Variants in ROBO1 observed in about 807,000 individuals in gnomAD.
The protein encoded by ROBO1 is roundabout homolog 1.
ROBO1 carries 149 observed loss-of-function variants against 195.9 expected under a neutral mutation model. The observed-to-expected ratio is 0.76, with a 90% confidence interval of 0.67 to 0.87. The LOEUF (loss-of-function observed/expected upper bound fraction) is 0.87, where lower values mean the gene tolerates loss of function less well. Ranked by LOEUF, ROBO1 falls within the 40% of genes least tolerant of loss-of-function variation. The probability of loss-of-function intolerance (pLI) is 0.00; values close to 1 mark genes in which losing one functional copy is unlikely to be tolerated. For synonymous variants in ROBO1, 816 were observed against 733.2 expected (o/e 1.11, Z -1.82); for missense variants, 1,933 against 2,068.3 (o/e 0.93, Z 1.27).
At chr3:79,758,374 C>G (rs1034308419) in intron 1 of ROBO1, among the ~76,000 whole-genome samples, 1 of 152,146 alleles carries the variant, frequency 6.6e-6, no homozygotes, top group Non-Finnish European at 1.5e-5. Flanking sequence ...TCAATAGGCA[C>G]ATGTAGCTAG....
intron 3 of ROBO1, among the ~76,000 whole-genome samples, chr3:78,971,165 G>A (rs1449247317): frequency 5.3e-5 from 8 of 152,164 alleles, no homozygotes; most frequent in South Asian, 4.1e-4. Context: ...GCTGAGGTAG[G>A]TGGATTGCTT....
intron 2 of ROBO1, among the ~76,000 whole-genome samples, chr3:79,295,915 A>G (rs1669622227): frequency 6.6e-6 from 1 of 152,204 alleles, no homozygotes; most frequent in Non-Finnish European, 1.5e-5. Flanking sequence ...GATTTGGTGG[A>G]TTTAGATAAC....
At chr3:78,853,898 G>A (rs2034239309) in intron 4 of ROBO1, among the ~76,000 whole-genome samples, 1 of 152,046 alleles carries the variant, frequency 6.6e-6, no homozygotes, top group Non-Finnish European at 1.5e-5. Context: ...CAGATCTCAT[G>A]AGACTTATTC....
chr3:78,909,236 T>A (rs1463505911), intron 4 of ROBO1, among the ~76,000 whole-genome samples: 2 of 151,856 alleles, frequency 1.3e-5, no homozygotes, highest in East Asian at 3.9e-4. Flanking sequence ...AAAGATATTC[T>A]TCTTTAAACA....
chr3:79,393,609 A>G (rs1053248219), intron 2 of ROBO1, among the ~76,000 whole-genome samples: 2 of 152,134 alleles, frequency 1.3e-5, no homozygotes, highest in East Asian at 1.9e-4. Flanking sequence ...AATAGACACA[A>G]TAAGGAAAGA....
chr3:79,693,547 C>T (rs1057126434), intron 1 of ROBO1, among the ~76,000 whole-genome samples: 6 of 151,630 alleles, frequency 4.0e-5, no homozygotes, highest in African/African-American at 9.7e-5. Flanking sequence ...AGCAATCCTC[C>T]TCAGTTTCCA....
At chr3:79,597,412 A>G (rs1036927439) in intron 1 of ROBO1, among the ~76,000 whole-genome samples, 2 of 152,034 alleles carry the variant, frequency 1.3e-5, no homozygotes, top group South Asian at 2.1e-4. Flanking sequence ...ACCTCCTATA[A>G]TAAGTATATT....
chr3:79,498,027 T>C (rs1939842666), intron 2 of ROBO1, among the ~76,000 whole-genome samples: 2 of 152,224 alleles, frequency 1.3e-5, no homozygotes, highest in South Asian at 4.1e-4. Context: ...CTAACCTGAT[T>C]GTATGAAACT....
intron 18 of ROBO1, among the ~76,000 whole-genome samples, chr3:78,655,353 G>A (rs1244011049): frequency 6.6e-6 from 1 of 152,126 alleles, no homozygotes; most frequent in Non-Finnish European, 1.5e-5. Flanking sequence ...TTTGCTTGCA[G>A]TCACACTGGG....
chr3:79,330,333 A>G (rs2034389526), intron 2 of ROBO1, among the ~76,000 whole-genome samples: 1 of 148,292 alleles, frequency 6.7e-6, no homozygotes, highest in Non-Finnish European at 1.5e-5. Flanking sequence ...ATAAATAAAT[A>G]AAACATCCCA....
intron 2 of ROBO1, among the ~76,000 whole-genome samples, chr3:79,204,123 TATG>T (rs1043526665): frequency 1.1e-4 from 17 of 152,312 alleles, no homozygotes; most frequent in African/African-American, 3.4e-4. Flanking sequence ...TTGAGGTAGA[TATG>T]ATATTTTGAT....
chr3:78,644,326 A>G (rs1342379018), intron 21 of ROBO1, among the ~76,000 whole-genome samples: 1 of 152,144 alleles, frequency 6.6e-6, no homozygotes, highest in Non-Finnish European at 1.5e-5. Flanking sequence ...TAAGGTCTGG[A>G]AGGGCAGGAA....
chr3:78,976,226 T>C (rs1250975229), intron 3 of ROBO1, among the ~76,000 whole-genome samples: 5 of 152,076 alleles, frequency 3.3e-5, no homozygotes, highest in African/African-American at 9.7e-5. Context: ...AAGAAAAAAA[T>C]GGATCTTCAT....
chr3:78,768,766 G>T (rs555420021), intron 4 of ROBO1, among the ~76,000 whole-genome samples: 1 of 150,930 alleles, frequency 6.6e-6, no homozygotes, highest in Non-Finnish European at 1.5e-5. Flanking sequence ...CCACTAACTC[G>T]TCATCTAGCA....
At chr3:79,699,868 G>A (rs552616524) in intron 1 of ROBO1, among the ~76,000 whole-genome samples, 1 of 151,726 alleles carries the variant, frequency 6.6e-6, no homozygotes, top group East Asian at 1.9e-4. Flanking sequence ...GTCACGGAGT[G>A]TATGTGTAGG....
intron 2 of ROBO1, among the ~76,000 whole-genome samples, chr3:79,286,699 C>G (rs1267702140): frequency 1.3e-5 from 2 of 151,912 alleles, no homozygotes; most frequent in Non-Finnish European, 2.9e-5. Context: ...AACGCCTGCC[C>G]AAGGATGAAG....
chr3:78,630,833 CACA>C (rs1705133213), intron 25 of ROBO1, among the ~76,000 whole-genome samples: 3 of 152,132 alleles, frequency 2.0e-5, no homozygotes, highest in African/African-American at 7.2e-5. Flanking sequence ...CAAGACCTGT[CACA>C]GAAGTTCTAA....
At chr3:79,169,303 G>A (rs980977452) in intron 2 of ROBO1, among the ~76,000 whole-genome samples, 3 of 152,044 alleles carry the variant, frequency 2.0e-5, no homozygotes, top group Non-Finnish European at 4.4e-5. Context: ...CCATACAAAG[G>A]CTTTAAGATG....
intron 1 of ROBO1, among the ~76,000 whole-genome samples, chr3:79,764,102 T>C (rs1704857871): frequency 6.6e-6 from 1 of 152,238 alleles, no homozygotes; most frequent in African/African-American, 2.4e-5. Context: ...TCATGTGTTG[T>C]AGACATCTAA....
Sources: allele counts gnomAD v4.1 joint callset (sites outside exome capture counted in the v4.1 genomes callset), GRCh38; gene constraint gnomAD v4.1.1; transcripts MANE v1.5; gene names NCBI Gene and HGNC (gene_info 2026-07-23, HGNC 2026-07-21).